Variants in NFATC1 observed in about 807,000 individuals in gnomAD.
NFATC1 encodes nuclear factor of activated T cells 1.
In NFATC1, 22 loss-of-function variants were observed where a neutral mutation model predicts 76.0. The observed-to-expected ratio is 0.29, with a 90% CI of 0.21 to 0.41. The LOEUF (loss-of-function observed/expected upper bound fraction) is 0.41, where lower values mean the gene tolerates loss of function less well. Ranked by LOEUF, NFATC1 falls within the 10% of genes least tolerant of loss-of-function variation. The pLI is 1.00. For missense variants in NFATC1, 1,357 were observed against 1,337.7 expected, an observed-to-expected ratio of 1.01 and a Z score of -0.23; for synonymous variants, 704 against 613.1, an observed-to-expected ratio of 1.15 and a Z score of -2.19.
At chr18:79,517,261 G>A (rs1268597188) in intron 9 of NFATC1, among the ~76,000 whole-genome samples, 6 of 152,220 alleles carry the variant, frequency 3.9e-5, no homozygotes, top group Non-Finnish European at 8.8e-5. Flanking sequence ...TGTATTTTCT[G>A]GGAAGGTTAG....
chr18:79,411,470 C>A lies in NFATC1; in HGVS notation c.1195C>A (p.Pro399Thr). 6.6e-7 allele frequency: 1 copy of A among 1,509,224 alleles called. No homozygotes were observed. The allele number at this position is 1,509,224 out of a possible 1,614,324, so 93.5% of individuals were successfully genotyped here. The stretch of plus-strand genomic sequence containing the variant: ...GCAGCACCCCTACCAGTGGGCGAAG[C>A]CCAAGCCCCTGTCCCCTACGTCCTA... ...VPQHPYQWAK[P>T]KPLSPTSYMS... Residue 399 changes from proline (P) to threonine (T), a missense_variant, in exon 2 of 10, where the codon CCC becomes ACC. This residue lies in a region of NFATC1 where 691 missense variants were observed against 613.1 expected (regional missense o/e 1.13). Transcript: ENST00000427363.
At chr18:79,496,539 G>C (rs770685833) in intron 9 of NFATC1, 1 of 152,274 alleles carries the variant, frequency 6.6e-6, no homozygotes, top group East Asian at 1.9e-4. Flanking sequence ...GCACGGGCAC[G>C]TTCAGGTGAT....
intron 9 of NFATC1, among the ~76,000 whole-genome samples, chr18:79,501,507 T>C (rs2090013408): frequency 5.3e-5 from 8 of 152,002 alleles, no homozygotes; most frequent in Admixed American, 2.6e-4. Context: ...GAAACAGAAA[T>C]AAAAGGCAAC....
chr18:79,417,170 CGGGAGATGGGCTGTGGT>C (rs2085907309), intron 2 of NFATC1, among the ~76,000 whole-genome samples: 2 of 31,636 alleles, frequency 6.3e-5, no homozygotes, highest in African/African-American at 1.5e-4. Context: ...TGGGCTGTGG[CGGGAGATGGGCTGTGGT>C]GGGAGATGGG....
At position 79,475,789 on chromosome 18, in the gene NFATC1, C is replaced by T. The variant is rs151088194; in HGVS notation, c.2092+8207C>T. 5.2e-3 allele frequency among the ~76,000 whole-genome samples: 795 copies of T among 152,354 alleles called. 10 individuals carry two copies. Among genetic ancestry groups the T allele is most frequent in the African/African-American group, 0.018 (737 of 41,584 alleles). On this transcript the variant is annotated intron_variant, in intron 8 of 9. Transcript: ENST00000427363. ...GTCCGAGATGTGCTCGCCAAAACCA[C>T]CCCCAGCAAGACGCCAGGCATCCTA... is the stretch of plus-strand genomic sequence containing the variant.
rs746544878 is a variant in NFATC1, at chr18:79,486,268, C to T, written c.2113C>T (p.Pro705Ser). The T allele has an allele frequency of 3.1e-6, 5 of 1,607,606 alleles. No homozygotes were observed. Among genetic ancestry groups the T allele is most frequent in the Non-Finnish European group, 4.3e-6 (5 of 1,175,840 alleles). The change falls in exon 9 of 10, where the codon CCC becomes TCC. Residue 705 changes from proline (P) to serine (S), a missense_variant. Pro to Ser is a moderately conservative substitution (Grantham distance 74, BLOSUM62 -1). Transcript: ENST00000427363. The stretch of plus-strand genomic sequence containing the variant: ...CACAGTTCCAATTATAAAAACAGAA[C>T]CCACTGATGATTATGAGCCTGCTCC... ...PANVPIIKTEPTDDYEPAPTC... is the reference protein window; with the variant it reads ...PANVPIIKTESTDDYEPAPTC...
chr18:79,527,832 G>A lies in NFATC1; in HGVS notation c.*255G>A, dbSNP rs2090809425. 1.8e-6 allele frequency: 1 copy of A among 558,388 alleles called. No individual in the cohort carries two copies. Among genetic ancestry groups the A allele is most frequent in the African/African-American group, 1.9e-5 (1 of 53,522 alleles). 34.6% of individuals were successfully genotyped at this position (558,388 alleles called of 1,614,324 possible). ...AAGGGAGGTGGCCGGGCTGAGCACG[G>A]GAGACCCACCGTGCAGGGGCCTTTC... On this transcript the variant is annotated 3_prime_UTR_variant, in exon 10 of 10. Coordinates refer to ENST00000427363, the MANE Select transcript of NFATC1 (RefSeq NM_001278669.2).
Position 79,410,780 on chromosome 18 carries a change from T to C in NFATC1, c.505T>C (p.Ser169Pro), listed in dbSNP as rs1382685257. The change falls in exon 2 of 10, where the codon TCG (serine) becomes CCG (proline). Residue 169 changes from serine to proline, a missense_variant. This residue lies in a region of NFATC1 where 691 missense variants were observed against 613.1 expected (regional missense o/e 1.13). Coordinates refer to ENST00000427363, the MANE Select transcript of NFATC1 (RefSeq NM_001278669.2). This position sits in a 1 kb window ranked among gnomAD's most constrained non-coding sequence, Gnocchi z 6.7. ...LPSLEAYRDP[S>P]CLSPASSLSS... ...CAGCCTGGAGGCCTACAGAGACCCCTCGTGCCTGAGCCCGGCCAGCAGCCT... is the reference window on the plus strand; with the variant it reads ...CAGCCTGGAGGCCTACAGAGACCCCCCGTGCCTGAGCCCGGCCAGCAGCCT... 1.2e-6 allele frequency: 2 copies of C among 1,612,764 alleles called. No individual in the cohort carries two copies. The highest frequency in any genetic ancestry group is 1.7e-6 in the Non-Finnish European group (2 of 1,179,934).
intron 3 of NFATC1, among the ~76,000 whole-genome samples, chr18:79,434,695 GTGT>G (rs1467001114): frequency 6.6e-6 from 1 of 152,268 alleles, no homozygotes; most frequent in African/African-American, 2.4e-5. Flanking sequence ...GCCGGAAGGG[GTGT>G]TCAGCAGAGT....
intron 4 of NFATC1, among the ~76,000 whole-genome samples, chr18:79,449,560 G>A (rs929985640): frequency 1.3e-5 from 2 of 152,234 alleles, no homozygotes; most frequent in Non-Finnish European, 2.9e-5. Context: ...GCTGGTTCCC[G>A]AGAGATTGAT....
chr18:79,516,545 C>T (rs946568078), intron 9 of NFATC1, among the ~76,000 whole-genome samples: 3 of 152,132 alleles, frequency 2.0e-5, no homozygotes, highest in Non-Finnish European at 2.9e-5. Flanking sequence ...GTTTCTCAGC[C>T]GAGCGCCGGG....
intron 7 of NFATC1, 58 bp downstream of exon 7, chr18:79,461,424 G>C: frequency 5.0e-6 from 8 of 1,598,554 alleles, no homozygotes; most frequent in Non-Finnish European, 3.4e-6. Flanking sequence ...GGGAGGCTGG[G>C]GTCTGCTGGA....
chr18:79,466,903 G>A (rs973689587), intron 7 of NFATC1, among the ~76,000 whole-genome samples: 3 of 152,178 alleles, frequency 2.0e-5, no homozygotes, highest in African/African-American at 2.4e-5. Context: ...GGCTGGCGGC[G>A]GAGCCTTGGG....
At position 79,524,976 on chromosome 18, in the gene NFATC1, A is replaced by T. The variant is rs1416600768; in HGVS notation, c.2783-2552A>T. ...TCCCCACCCTGTCACTGTCACCATC[A>T]CCCATCCTGTCCCCTCACGCCTCCC... On this transcript the variant is annotated intron_variant, in intron 9 of 9. Transcript: ENST00000427363. This position sits in a 1 kb window ranked among gnomAD's most constrained non-coding sequence, Gnocchi z 7.2. Among the ~76,000 whole-genome samples the T allele has an allele frequency of 6.6e-6, 1 of 151,144 alleles. No homozygotes were observed. The highest frequency in any genetic ancestry group is 1.5e-5 in the Non-Finnish European group (1 of 67,688).
chr18:79,431,813 C>T (rs2086598822), intron 2 of NFATC1, among the ~76,000 whole-genome samples: 1 of 152,236 alleles, frequency 6.6e-6, no homozygotes, highest in Admixed American at 6.5e-5. Flanking sequence ...AGCAATTCTC[C>T]TCCCTCAGCC....
At chr18:79,514,302 T>C (rs1234537083) in intron 9 of NFATC1, among the ~76,000 whole-genome samples, 1 of 151,652 alleles carries the variant, frequency 6.6e-6, no homozygotes, top group Non-Finnish European at 1.5e-5. Flanking sequence ...TAGCCAGGTG[T>C]GGTGGTGCAC....
chr18:79,408,103 G>A (rs1371067331), intron 1 of NFATC1, among the ~76,000 whole-genome samples: 1 of 152,204 alleles, frequency 6.6e-6, no homozygotes, highest in Non-Finnish European at 1.5e-5. Flanking sequence ...GCCGTGCCGT[G>A]TTTCCCACCT....
chr18:79,408,399 A>C (rs2085514724), intron 1 of NFATC1, among the ~76,000 whole-genome samples: 1 of 152,258 alleles, frequency 6.6e-6, no homozygotes. Flanking sequence ...TTTTCAAATC[A>C]GAAATCCAGA....
chr18:79,478,670 G>C (rs2089169676), intron 8 of NFATC1, among the ~76,000 whole-genome samples: 1 of 152,224 alleles, frequency 6.6e-6, no homozygotes, highest in Non-Finnish European at 1.5e-5. Context: ...GGTCCTGGAG[G>C]AGAGGCTTGC....
Sources: allele counts gnomAD v4.1 joint callset (sites outside exome capture counted in the v4.1 genomes callset), GRCh38; gene constraint gnomAD v4.1.1; regional missense constraint gnomAD v4.1.1; non-coding constraint Gnocchi (gnomAD v3.1); transcripts MANE v1.5; gene names NCBI Gene and HGNC (gene_info 2026-07-23, HGNC 2026-07-21).